Variants in GLRX3 observed in about 807,000 individuals in gnomAD.
The protein encoded by GLRX3 is glutaredoxin 3, also known as glutaredoxin-3.
A neutral mutation model predicts 49.5 loss-of-function variants in GLRX3; 22 were observed. That is an observed-to-expected ratio of 0.44 (90% CI 0.32 to 0.63). The LOEUF is 0.63. Among genes scored for constraint, GLRX3 ranks in the 30% least tolerant of loss-of-function variants. The pLI, the probability that GLRX3 is intolerant of heterozygous loss-of-function variation, is 0.05. For synonymous variants in GLRX3, 133 were observed against 140.0 expected (o/e 0.95, Z 0.35); for missense variants, 385 against 396.3 (o/e 0.97, Z 0.24).
intron 2 of GLRX3, among the ~76,000 whole-genome samples, chr10:130,156,284 G>T (rs1841403477): frequency 6.6e-6 from 1 of 152,182 alleles, no homozygotes; most frequent in African/African-American, 2.4e-5. Flanking sequence ...GGCAAAAACA[G>T]ACTAGCCAGC....
chr10:130,169,358 G>A, intron 6 of GLRX3, 75 bp from the exon 7 acceptor site: 1 of 868,294 alleles, frequency 1.2e-6, no homozygotes, highest in Admixed American at 1.7e-5. Context: ...AAATATGCAT[G>A]TTACTCACGA....
At chr10:130,165,547 T>C (rs1862665147) in intron 4 of GLRX3, among the ~76,000 whole-genome samples, 1 of 152,156 alleles carries the variant, frequency 6.6e-6, no homozygotes, top group Non-Finnish European at 1.5e-5. Context: ...AACTGTCAAG[T>C]TATGACATGA....
At chr10:130,139,713 C>T (rs1862138517) in intron 1 of GLRX3, among the ~76,000 whole-genome samples, 1 of 151,336 alleles carries the variant, frequency 6.6e-6, no homozygotes. Flanking sequence ...GGGAGGATGG[C>T]TTGAGGCCAG....
rs533021357 is a variant in GLRX3, at chr10:130,173,442, C to T, written c.825-1425C>T. On this transcript the variant is annotated intron_variant, in intron 8 of 10. Coordinates refer to ENST00000331244, the MANE Select transcript of GLRX3 (RefSeq NM_006541.5). ...ACGAGCAGACCATGCTCTTGCTGGGCGCCAAATGTATGTGGAGAAAACTCC... is the reference window on the plus strand; with the variant it reads ...ACGAGCAGACCATGCTCTTGCTGGGTGCCAAATGTATGTGGAGAAAACTCC... 8.5e-5 allele frequency among the ~76,000 whole-genome samples: 13 copies of T among 152,298 alleles called. No individual in the cohort carries two copies. In the East Asian group the frequency reaches 1.4e-3, roughly 16 times the overall value.
At chr10:130,148,912 T>C (rs1862319134) in intron 2 of GLRX3, among the ~76,000 whole-genome samples, 1 of 151,816 alleles carries the variant, frequency 6.6e-6, no homozygotes, top group South Asian at 2.1e-4. Flanking sequence ...AATAAAAATT[T>C]AAAAAACTAG....
At chr10:130,152,816 T>C (rs1862403691) in intron 2 of GLRX3, among the ~76,000 whole-genome samples, 1 of 152,196 alleles carries the variant, frequency 6.6e-6, no homozygotes, top group African/African-American at 2.4e-5. Flanking sequence ...TTTGTGGTGG[T>C]CTGTGTATTT....
chr10:130,171,970 AAAG>A (rs1219673977), intron 8 of GLRX3, among the ~76,000 whole-genome samples: 4 of 152,116 alleles, frequency 2.6e-5, no homozygotes, highest in Non-Finnish European at 5.9e-5. Context: ...GTCTCAAAAA[AAAG>A]AAAAAAATAT....
Position 130,160,860 on chromosome 10 carries a change from G to C in GLRX3, c.341G>C (p.Arg114Pro). 3 of 1,610,114 alleles carry C rather than the reference G, an allele frequency of 1.9e-6. No homozygotes were observed. Among genetic ancestry groups the C allele is most frequent in the East Asian group, 2.2e-5 (1 of 44,852 alleles). ...HAPELTKKVQRHASSGSFLPS... is the reference protein window; with the variant it reads ...HAPELTKKVQPHASSGSFLPS... ...CCAGAGTTGACCAAAAAAGTTCAGC[G>C]ACATGCATCTAGTGGCTCCTTCCTA... The change falls in exon 4 of 11, where the codon CGA becomes CCA. Residue 114 changes from arginine to proline, a missense_variant. Physicochemically the swap from Arg to Pro is moderately radical, Grantham distance 103. This residue lies in a region of GLRX3 where 374 missense variants were observed against 358.6 expected (regional missense o/e 1.04). Transcript: ENST00000331244.
intron 3 of GLRX3, 27 bp downstream of exon 3, chr10:130,160,096 T>G (rs768650215): frequency 1.6e-5 from 22 of 1,388,762 alleles, no homozygotes; most frequent in Non-Finnish European, 6.1e-6. Flanking sequence ...TACAAGAGAT[T>G]ATCCATTTGT....
Position 130,179,406 on chromosome 10 carries a change from TG to T in GLRX3, c.*16del. 1 of 1,395,728 alleles carries T rather than the reference TG, an allele frequency of 7.2e-7. No individual in the cohort carries two copies. 86.5% of individuals were successfully genotyped at this position (1,395,728 alleles called of 1,614,324 possible). A position where few individuals can be genotyped will look rare whatever the true frequency, so the allele number is the denominator to read the frequency against. On this transcript the variant is annotated 3_prime_UTR_variant, in exon 11 of 11. Transcript: ENST00000331244. ...GGAGAAAATTAATAAATCTTAAACT[TG>T]GTGCCCAACTATTGTAAGAAATATT...
intron 1 of GLRX3, among the ~76,000 whole-genome samples, chr10:130,139,961 G>C (rs184963396): frequency 6.6e-6 from 1 of 152,274 alleles, no homozygotes; most frequent in East Asian, 1.9e-4. Flanking sequence ...TTTAGTACTT[G>C]TGTTGATGTA....
chr10:130,146,550 C>T (rs561614858), intron 2 of GLRX3, among the ~76,000 whole-genome samples: 3 of 152,090 alleles, frequency 2.0e-5, no homozygotes, highest in Non-Finnish European at 2.9e-5. Flanking sequence ...TGGTTTAGCA[C>T]GTTAAAGATA....
chr10:130,145,305 GT>G lies in GLRX3; in HGVS notation c.190del (p.Ser64HisfsTer3). 1 of 1,405,620 alleles carries G rather than the reference GT, an allele frequency of 7.1e-7. No homozygotes were observed. The highest frequency in any genetic ancestry group is 1.0e-6 in the Non-Finnish European group (1 of 990,178). 87.1% of individuals were successfully genotyped at this position (1,405,620 alleles called of 1,614,324 possible). ...MAELAKELPQ[V>X]SFVKLEAEGV... ...AGAGTTAGCTAAAGAACTCCCTCAA[GT>G]TTCATTTGTGAAGGTATTTATATTT... On this transcript the variant is annotated frameshift_variant, in exon 2 of 11. Transcript: ENST00000331244. LOFTEE classifies it high-confidence loss of function.
chr10:130,176,794 A>C (rs7923842), intron 10 of GLRX3, among the ~76,000 whole-genome samples: 54,422 of 94,134 alleles, frequency 0.58, 12,637 homozygotes, highest in East Asian at 0.7. Context: ...CTCTCTCTCT[A>C]TATATATATA....
chr10:130,148,019 CA>C (rs891935000), intron 2 of GLRX3, among the ~76,000 whole-genome samples: 1 of 151,068 alleles, frequency 6.6e-6, no homozygotes, highest in African/African-American at 2.4e-5. Context: ...TACCATGTCT[CA>C]AAAAAAAGGA....
chr10:130,167,246 C>A (rs932028195), intron 6 of GLRX3, among the ~76,000 whole-genome samples: 1 of 152,160 alleles, frequency 6.6e-6, no homozygotes, highest in Non-Finnish European at 1.5e-5. Flanking sequence ...CCAAGTTTTG[C>A]TTACCTCTCT....
chr10:130,138,409 C>T (rs1412875241), intron 1 of GLRX3, among the ~76,000 whole-genome samples: 1 of 152,068 alleles, frequency 6.6e-6, no homozygotes, highest in East Asian at 1.9e-4. Context: ...GAATTAGAGG[C>T]AAGTAGTACT....
At chr10:130,174,744 C>T in intron 8 of GLRX3, 123 bp from the exon 9 acceptor site, 1 of 691,056 alleles carries the variant, frequency 1.4e-6, no homozygotes, top group South Asian at 1.7e-5. Context: ...TTCCATTGGT[C>T]TGTAGTACAT....
chr10:130,151,497 T>A (rs1159548513), intron 2 of GLRX3, among the ~76,000 whole-genome samples: 1 of 152,118 alleles, frequency 6.6e-6, no homozygotes, highest in African/African-American at 2.4e-5. Context: ...CATTAGGTAT[T>A]TCTCCTAACG....
Sources: allele counts gnomAD v4.1 joint callset (sites outside exome capture counted in the v4.1 genomes callset), GRCh38; gene constraint gnomAD v4.1.1; regional missense constraint gnomAD v4.1.1; transcripts MANE v1.5; gene names NCBI Gene and HGNC (gene_info 2026-07-23, HGNC 2026-07-21).